The following RBFOX1 variants were observed in gnomAD, a reference collection of about 807,000 sequenced individuals.
RBFOX1 encodes RNA binding protein fox-1 homolog 1.
Under a neutral mutation model 57.7 loss-of-function variants are expected in RBFOX1, and 8 were observed. That is an observed-to-expected ratio of 0.14 (90% confidence interval 0.08 to 0.25). The LOEUF (loss-of-function observed/expected upper bound fraction) is 0.25, where lower values mean the gene tolerates loss of function less well. RBFOX1 is among the 10% of genes least tolerant of loss of function. The pLI is 1.00. For missense variants in RBFOX1, 611 were observed against 548.5 expected (o/e 1.11, Z -1.14); for synonymous variants, 326 against 222.4 (o/e 1.47, Z -4.15).
chr16:6,244,129 A>T (rs1348586903), intron 1 of RBFOX1, among the ~76,000 whole-genome samples: 1 of 152,140 alleles, frequency 6.6e-6, no homozygotes. Context: ...TTAATATAAA[A>T]TAAATACAGT....
chr16:5,899,755 TG>T (rs1363431793), intron 4 of RBFOX1, among the ~76,000 whole-genome samples: 1 of 152,158 alleles, frequency 6.6e-6, no homozygotes. Context: ...TTCACCTGAA[TG>T]GGCATGCTGA....
Position 7,711,278 on chromosome 16 carries a change from A to G in RBFOX1, c.*533A>G, listed in dbSNP as rs1276861066. 5 of 152,594 alleles carry G rather than the reference A, an allele frequency of 3.3e-5. No individual in the cohort carries two copies. The South Asian group carries it at 6.2e-4, about 19-fold the overall frequency. The allele number at this position is 152,594 out of a possible 1,614,324, so 9.5% of individuals were successfully genotyped here. A position where few individuals can be genotyped will look rare whatever the true frequency, so the allele number is the denominator to read the frequency against. On this transcript the variant is annotated 3_prime_UTR_variant, in exon 16 of 16. Transcript: ENST00000550418. ...ATCTAAACGACCCACTGCACCAACA[A>G]TCATTTATCAATGGTTCTAAGTTAC...
chr16:6,918,615 A>G (rs1171774208), intron 3 of RBFOX1, among the ~76,000 whole-genome samples: 1 of 152,138 alleles, frequency 6.6e-6, no homozygotes, highest in Non-Finnish European at 1.5e-5. Flanking sequence ...TCTTACCCAA[A>G]TCTCATACCC....
chr16:6,295,314 C>G (rs778031763), intron 1 of RBFOX1, among the ~76,000 whole-genome samples: 1 of 151,904 alleles, frequency 6.6e-6, no homozygotes. Flanking sequence ...TTAGTAGAGG[C>G]GAGGTTTCAT....
intron 2 of RBFOX1, among the ~76,000 whole-genome samples, chr16:6,647,646 G>A (rs1388623350): frequency 6.6e-6 from 1 of 152,156 alleles, no homozygotes; most frequent in Non-Finnish European, 1.5e-5. Flanking sequence ...TATGACATAT[G>A]AATTTTAGGG....
At chr16:7,462,278 C>T (rs1036768196) in intron 4 of RBFOX1, among the ~76,000 whole-genome samples, 3 of 152,222 alleles carry the variant, frequency 2.0e-5, no homozygotes, top group South Asian at 2.1e-4. Flanking sequence ...AAGAAACACC[C>T]GGGGTCAGGA....
chr16:6,640,782 G>T (rs1314048319), intron 2 of RBFOX1, among the ~76,000 whole-genome samples: 1 of 152,086 alleles, frequency 6.6e-6, no homozygotes, highest in African/African-American at 2.4e-5. Context: ...TTTTCCTTCA[G>T]TTGGCCTTGA....
At chr16:6,831,664 G>C (rs1241483450) in intron 3 of RBFOX1, among the ~76,000 whole-genome samples, 1 of 152,162 alleles carries the variant, frequency 6.6e-6, no homozygotes, top group African/African-American at 2.4e-5. Context: ...TTAATACAAA[G>C]ATGATAACTT....
chr16:6,141,866 C>G (rs1392875567), intron 1 of RBFOX1, among the ~76,000 whole-genome samples: 2 of 151,852 alleles, frequency 1.3e-5, no homozygotes, highest in Non-Finnish European at 2.9e-5. Flanking sequence ...CAAGACCAAC[C>G]TGACCAACAT....
intron 3 of RBFOX1, among the ~76,000 whole-genome samples, chr16:6,820,666 AAAAC>A (rs2091120321): frequency 8.1e-6 from 1 of 123,966 alleles, no homozygotes; most frequent in South Asian, 2.4e-4. Context: ...CTCCAAAAAA[AAAAC>A]AAGCAAAACA....
intron 3 of RBFOX1, among the ~76,000 whole-genome samples, chr16:6,932,865 C>G (rs773649593): frequency 6.6e-6 from 1 of 152,202 alleles, no homozygotes; most frequent in African/African-American, 2.4e-5. Context: ...TCTTGTAAAA[C>G]TGAAACTCTA....
At chr16:6,721,320 G>A (rs970530900) in intron 3 of RBFOX1, among the ~76,000 whole-genome samples, 2 of 152,098 alleles carry the variant, frequency 1.3e-5, no homozygotes, top group African/African-American at 4.8e-5. Context: ...GCGGGTGCCT[G>A]TAATCCCAAC....
In RBFOX1 at chr16:5,839,375, C is replaced by G. The variant is rs553153629; in HGVS notation, c.319-27928C>G. ...TTGGGACCCACTTTTTGCCAAAAGCCCTTTTCTTGGTTTATGGCCCTAATT... is the reference window on the plus strand; with the variant it reads ...TTGGGACCCACTTTTTGCCAAAAGCGCTTTTCTTGGTTTATGGCCCTAATT... On this transcript the variant is annotated intron_variant, in intron 3 of 19. Coordinates refer to the RBFOX1 transcript ENST00000641259. Among the ~76,000 whole-genome samples the G allele has an allele frequency of 2.0e-5, 3 of 152,180 alleles. No homozygotes were observed. The South Asian group carries it at 6.2e-4, about 32-fold the overall frequency.
intron 2 of RBFOX1, among the ~76,000 whole-genome samples, chr16:6,407,596 G>GAGAGAGAGAGAGAGAGAGAGAGAAC (rs71386523): frequency 3.6e-4 from 52 of 146,192 alleles, no homozygotes; most frequent in Middle Eastern, 3.6e-3. Flanking sequence ...AGAGAGAGAA[G>GAGAGAGAGAGAGAGAGAGAGAGAAC]TACATTCTAT....
At chr16:5,583,447 G>A (rs910220975) in intron 2 of RBFOX1, among the ~76,000 whole-genome samples, 1 of 152,178 alleles carries the variant, frequency 6.6e-6, no homozygotes, top group Non-Finnish European at 1.5e-5. Flanking sequence ...GTCAAACGCC[G>A]AGCTCTAACC....
chr16:6,385,103 A>T (rs1330586502), intron 2 of RBFOX1, among the ~76,000 whole-genome samples: 1 of 152,128 alleles, frequency 6.6e-6, no homozygotes, highest in Non-Finnish European at 1.5e-5. Flanking sequence ...ATTCACTCTA[A>T]AATATTTACA....
chr16:7,559,365 A>G (rs760670847), intron 5 of RBFOX1, among the ~76,000 whole-genome samples: 2 of 152,174 alleles, frequency 1.3e-5, no homozygotes, highest in Admixed American at 6.5e-5. Flanking sequence ...CTTCCTTTAT[A>G]TATTCTCATA....
intron 1 of RBFOX1, among the ~76,000 whole-genome samples, chr16:5,246,950 C>T (rs1372590887): frequency 1.3e-5 from 2 of 152,188 alleles, no homozygotes; most frequent in Non-Finnish European, 2.9e-5. Flanking sequence ...GGATTACAGA[C>T]ATGAGCCACC....
chr16:7,201,616 C>G (rs117616103), intron 4 of RBFOX1, among the ~76,000 whole-genome samples: 4,932 of 152,184 alleles, frequency 0.032, 122 homozygotes, highest in South Asian at 0.09. Flanking sequence ...GTGTCCAACA[C>G]CACGCCTGGC....
Sources: allele counts gnomAD v4.1 joint callset (sites outside exome capture counted in the v4.1 genomes callset), GRCh38; gene constraint gnomAD v4.1.1; transcripts MANE v1.5; gene names NCBI Gene and HGNC (gene_info 2026-07-23, HGNC 2026-07-21).